The following CNTN5 variants were observed in gnomAD, a reference collection of about 807,000 sequenced individuals.
CNTN5 encodes contactin 5, also known as contactin-5.
Under a neutral mutation model 129.1 loss-of-function variants are expected in CNTN5, and 77 were observed. That is an observed-to-expected ratio of 0.60 (90% CI 0.50 to 0.72). The LOEUF is 0.72. Among genes scored for constraint, CNTN5 ranks in the 30% least tolerant of loss-of-function variants. The pLI, the probability that CNTN5 is intolerant of heterozygous loss-of-function variation, is 0.00. For synonymous variants in CNTN5, 509 were observed against 465.6 expected (o/e 1.09, Z -1.20); for missense variants, 1,478 against 1,328.8 (o/e 1.11, Z -1.75).
rs184754802 is a variant in CNTN5 at position 99,490,242 on chromosome 11, A to G, written c.-70-65903A>G. On this transcript the variant is annotated intron_variant, in intron 2 of 24. Transcript: ENST00000524871. ...TTGACAATTATTCAGACAATTATTC[A>G]CCAATTTTGACCAACTCAAGAAGCA... Among the ~76,000 whole-genome samples the G allele has an allele frequency of 5.3e-5, 8 of 152,308 alleles. No homozygotes were observed. The East Asian group carries it at 1.5e-3, about 29-fold the overall frequency.
intron 1 of CNTN5, among the ~76,000 whole-genome samples, chr11:99,237,908 T>C (rs1488718595): frequency 6.6e-6 from 1 of 152,188 alleles, no homozygotes; most frequent in Non-Finnish European, 1.5e-5. Flanking sequence ...AAAAAGTCAA[T>C]GAAAATGATT....
chr11:99,310,319 A>AG (rs1378920446), intron 1 of CNTN5, among the ~76,000 whole-genome samples: 1 of 152,188 alleles, frequency 6.6e-6, no homozygotes, highest in Non-Finnish European at 1.5e-5. Flanking sequence ...TCCAACTCCA[A>AG]GGAAATGTTA....
intron 2 of CNTN5, among the ~76,000 whole-genome samples, chr11:99,419,841 T>G (rs1434666219): frequency 6.6e-6 from 1 of 152,124 alleles, no homozygotes; most frequent in Non-Finnish European, 1.5e-5. Flanking sequence ...AATTAATGAC[T>G]TCTCCCTGTA....
chr11:99,040,402 T>C (rs1445069998), intron 1 of CNTN5, among the ~76,000 whole-genome samples: 3 of 152,110 alleles, frequency 2.0e-5, no homozygotes, highest in Non-Finnish European at 4.4e-5. Flanking sequence ...TAAATACATT[T>C]TATAAGATAT....
At chr11:99,949,770 C>G (rs146962946) in intron 7 of CNTN5, among the ~76,000 whole-genome samples, 48 of 152,298 alleles carry the variant, frequency 3.2e-4, no homozygotes, top group African/African-American at 1.1e-3. Context: ...AAAATAGTTG[C>G]TGTCACCCAG....
chr11:100,104,475 T>C (rs867878364), intron 13 of CNTN5, among the ~76,000 whole-genome samples: 1 of 152,120 alleles, frequency 6.6e-6, no homozygotes, highest in African/African-American at 2.4e-5. Flanking sequence ...TCACATATAA[T>C]AACTATCTTT....
intron 6 of CNTN5, among the ~76,000 whole-genome samples, chr11:99,893,490 G>A (rs1175765236): frequency 6.6e-6 from 1 of 152,122 alleles, no homozygotes; most frequent in Admixed American, 6.6e-5. Flanking sequence ...TTAGACAAAT[G>A]TTTGTTGAGC....
chr11:99,375,471 G>A (rs1940124225), intron 2 of CNTN5, among the ~76,000 whole-genome samples: 1 of 152,048 alleles, frequency 6.6e-6, no homozygotes, highest in African/African-American at 2.4e-5. Context: ...AGCTAGTATT[G>A]AGGAATGAAG....
intron 9 of CNTN5, among the ~76,000 whole-genome samples, chr11:100,055,677 T>C (rs1018911605): frequency 3.3e-5 from 5 of 151,656 alleles, no homozygotes; most frequent in Non-Finnish European, 7.4e-5. Flanking sequence ...ATCATTGTTA[T>C]TTTGTAAATT....
At chr11:99,466,098 G>A (rs1008061054) in intron 2 of CNTN5, among the ~76,000 whole-genome samples, 2 of 152,050 alleles carry the variant, frequency 1.3e-5, no homozygotes, top group African/African-American at 4.8e-5. Context: ...TAGCCAGGAT[G>A]GCCTCGATCT....
chr11:100,159,138 C>T (rs1267080273), intron 13 of CNTN5, among the ~76,000 whole-genome samples: 1 of 151,528 alleles, frequency 6.6e-6, no homozygotes, highest in Non-Finnish European at 1.5e-5. Flanking sequence ...GATGCTAAAA[C>T]TACAGGAAAA....
chr11:99,939,802 A>G (rs555048949), intron 7 of CNTN5, among the ~76,000 whole-genome samples: 113 of 152,232 alleles, frequency 7.4e-4, no homozygotes, highest in Non-Finnish European at 1.3e-3. Context: ...AATTCAGTTT[A>G]GGAAACGGTA....
chr11:99,788,659 G>T (rs1945625023), intron 3 of CNTN5, among the ~76,000 whole-genome samples: 1 of 151,826 alleles, frequency 6.6e-6, no homozygotes, highest in Non-Finnish European at 1.5e-5. Context: ...TATATATGCA[G>T]AGTGTGCTAA....
intron 12 of CNTN5, among the ~76,000 whole-genome samples, chr11:100,072,482 T>A (rs1324484900): frequency 6.6e-6 from 1 of 152,184 alleles, no homozygotes; most frequent in Admixed American, 6.5e-5. Context: ...TATGAGCCAT[T>A]GGAATGAATT....
At position 100,061,270 on chromosome 11, in the gene CNTN5, C is replaced by A; in HGVS notation, c.1039C>A (p.Leu347Met). Residue 347 changes from leucine to methionine, a missense_variant, in exon 10 of 25, where the codon CTG (leucine) becomes ATG (methionine). Leu to Met is a conservative substitution (Grantham distance 15). Coordinates refer to ENST00000524871, the MANE Select transcript of CNTN5 (RefSeq NM_014361.4). ...VNGYIPSKAR[L>M]RKSQAVLEIP... ...TGGTTATATTCCTAGTAAGGCACGT[C>A]TGCGGAAATCTCAGGCGGTGCTGGA... 6.2e-7 allele frequency: 1 copy of A among 1,613,656 alleles called. No homozygotes were observed. Among genetic ancestry groups the A allele is most frequent in the Non-Finnish European group, 8.5e-7 (1 of 1,179,614 alleles).
At chr11:99,991,134 C>G (rs1241555160) in intron 8 of CNTN5, among the ~76,000 whole-genome samples, 2 of 152,116 alleles carry the variant, frequency 1.3e-5, no homozygotes, top group Non-Finnish European at 2.9e-5. Context: ...ATTGTGTCAC[C>G]ATTGGTTATG....
chr11:100,297,535 T>C, intron 18 of CNTN5, 90 bp from the exon 19 acceptor site: 3 of 966,380 alleles, frequency 3.1e-6, no homozygotes, highest in Non-Finnish European at 4.9e-6. Flanking sequence ...CCATTCTGAC[T>C]TCAAACAAAC....
At chr11:100,177,041 G>C (rs941782996) in intron 13 of CNTN5, among the ~76,000 whole-genome samples, 2 of 152,018 alleles carry the variant, frequency 1.3e-5, no homozygotes, top group Admixed American at 6.6e-5. Flanking sequence ...TAGGCATGGG[G>C]AGCCATGAAA....
intron 1 of CNTN5, among the ~76,000 whole-genome samples, chr11:99,113,608 C>G (rs1395148976): frequency 2.0e-5 from 3 of 152,052 alleles, no homozygotes; most frequent in Admixed American, 6.6e-5. Flanking sequence ...CTCCGGATAC[C>G]TTGGTTGGAG....
Sources: gnomAD v4.1 joint callset for allele counts (sites outside exome capture counted in the v4.1 genomes callset) on GRCh38, gnomAD v4.1.1 for gene constraint, MANE v1.5 for transcripts, NCBI Gene and HGNC (gene_info 2026-07-23, HGNC 2026-07-21) for gene names.